LOXL3: variants seen among roughly 807,000 people sequenced by gnomAD.
LOXL3 encodes the protein lysyl oxidase homolog 3.
Under a neutral mutation model 91.8 loss-of-function variants are expected in LOXL3, and 60 were observed. The ratio of observed to expected loss-of-function variants is 0.65; its 90% CI spans 0.53 to 0.81. The LOEUF (loss-of-function observed/expected upper bound fraction) is 0.81, where lower values mean the gene tolerates loss of function less well. LOXL3 is among the 30% of genes least tolerant of loss of function. The pLI, the probability that LOXL3 is intolerant of heterozygous loss-of-function variation, is 0.00. For synonymous variants in LOXL3, 355 were observed against 387.6 expected (o/e 0.92, Z 0.99); for missense variants, 874 against 1,000.4 (o/e 0.87, Z 1.70).
In LOXL3 at chr2:74,534,924, G is replaced by T. The variant is rs927387846; in HGVS notation, c.1580-150C>A. The T allele has an allele frequency of 5.1e-6, 5 of 970,892 alleles. No individual in the cohort carries two copies. The African/African-American group carries it at 6.5e-5, about 13-fold the overall frequency. The allele number at this position is 970,892 out of a possible 1,614,324, so 60.1% of individuals were successfully genotyped here. On this transcript the variant is annotated intron_variant, in intron 9 of 13. Transcript: ENST00000264094. ...GATGGAGTCTCACTCTGTTGCCGAG[G>T]CTGGAATGCAGCGGCGTGATCTTGG...
chr2:74,541,598 C>CATGTCTAAA (rs754931507), intron 4 of LOXL3, among the ~76,000 whole-genome samples: 1 of 152,140 alleles, frequency 6.6e-6, no homozygotes, highest in Non-Finnish European at 1.5e-5. Context: ...TTTTCTCAAA[C>CATGTCTAAA]ATGTCTAAAA....
Position 74,550,286 on chromosome 2 carries a change from A to C in LOXL3, c.376T>G (p.Ser126Ala), listed in dbSNP as rs1186343174. The C allele has an allele frequency of 1.2e-6, 2 of 1,613,998 alleles. No homozygotes were observed. Among genetic ancestry groups the C allele is most frequent in the Non-Finnish European group, 1.7e-6 (2 of 1,180,028 alleles). The change falls in exon 3 of 14, where the codon TCC becomes GCC. Residue 126 changes from serine (S) to alanine (A), a missense_variant. Transcript: ENST00000264094. ...CAGTCACTGTTCCCCCAGCCCCGGG[A>C]GGCACATTCAGTCACACTCTGCTCG... is the stretch of plus-strand genomic sequence containing the variant. ...GTEQSVTECA[S>A]RGWGNSDCTH...
At position 74,550,483 on chromosome 2, in the gene LOXL3, T is replaced by C. The variant is rs1057258930; in HGVS notation, c.314-135A>G. Reference sequence around the variant, plus strand: ...CCCATCTTTCTGGTATGATAAGGGGTGGAGACGGGACAGGGGACCCTGGCA... The same window carrying C: ...CCCATCTTTCTGGTATGATAAGGGGCGGAGACGGGACAGGGGACCCTGGCA... On this transcript the variant is annotated intron_variant, in intron 2 of 13. Coordinates refer to ENST00000264094, the MANE Select transcript of LOXL3 (RefSeq NM_032603.5). 8 of 950,066 alleles carry C rather than the reference T, an allele frequency of 8.4e-6. No individual in the cohort carries two copies. The Admixed American group carries it at 2.1e-4, about 26-fold the overall frequency. The allele number at this position is 950,066 out of a possible 1,614,324, so 58.9% of individuals were successfully genotyped here. A position where few individuals can be genotyped will look rare whatever the true frequency, so the allele number is the denominator to read the frequency against.
chr2:74,543,289 C>T (rs938907588), intron 4 of LOXL3, among the ~76,000 whole-genome samples: 4 of 152,122 alleles, frequency 2.6e-5, no homozygotes, highest in African/African-American at 9.7e-5. Context: ...ATTTTGTTCT[C>T]ACTTCATATA....
intron 4 of LOXL3, among the ~76,000 whole-genome samples, chr2:74,545,884 C>A (rs1676560904): frequency 1.3e-5 from 2 of 152,128 alleles, no homozygotes; most frequent in Admixed American, 1.3e-4. Flanking sequence ...CTCCAGAGTC[C>A]TATATTAAAT....
At position 74,550,311 on chromosome 2, in the gene LOXL3, G is replaced by A. The variant is rs772444680; in HGVS notation, c.351C>T (p.Thr117=). The change falls in exon 3 of 14, where the codon ACC becomes ACT. Residue 117 remains threonine (T), a synonymous_variant. Coordinates refer to ENST00000264094, the MANE Select transcript of LOXL3 (RefSeq NM_032603.5). The part of the protein sequence containing the change: ...IWLDNLSCSG[T]EQSVTECASR... ...AGGCACATTCAGTCACACTCTGCTC[G>A]GTCCCACTGCAGCTCAAGTTGTCCA... 1.4e-5 allele frequency: 23 copies of A among 1,613,984 alleles called. No individual in the cohort carries two copies. Among genetic ancestry groups the A allele is most frequent in the Non-Finnish European group, 1.9e-5 (22 of 1,180,014 alleles).
rs1309621874 is a variant in LOXL3 at position 74,532,720 on chromosome 2, G to A, written c.*886C>T. The A allele has an allele frequency of 1.9e-6, 3 of 1,613,216 alleles. No individual in the cohort carries two copies. Among genetic ancestry groups the A allele is most frequent in the Non-Finnish European group, 2.5e-6 (3 of 1,179,452 alleles). On this transcript the variant is annotated 3_prime_UTR_variant, in exon 14 of 14. Coordinates refer to ENST00000264094, the MANE Select transcript of LOXL3 (RefSeq NM_032603.5). ...CTGGGCTCCCCTGCACACCGGTGAG[G>A]GAGAGGCTGCAGTGTGATATGGGGA...
rs559116204 is a variant in LOXL3 at position 74,535,060 on chromosome 2, G to T, written c.1579+232C>A. On this transcript the variant is annotated intron_variant, in intron 9 of 13. Transcript: ENST00000264094. The surrounding 1 kb of genome is among the most constrained non-coding windows in gnomAD (Gnocchi z 4.2). Reference sequence around the variant, plus strand: ...CGCCTGGCTAATTTTTGTAGTTTTAGTAGAGACAGGGTTTCACCATCTTGG... The same window carrying T: ...CGCCTGGCTAATTTTTGTAGTTTTATTAGAGACAGGGTTTCACCATCTTGG... Among the ~76,000 whole-genome samples the T allele has an allele frequency of 1.4e-4, 22 of 152,158 alleles. No homozygotes were observed. The highest frequency in any genetic ancestry group is 4.3e-4 in the African/African-American group (18 of 41,418).
Position 74,535,465 on chromosome 2 carries a change from A to T in LOXL3, c.1417-11T>A. ...CCAGTACCAGGTCTCCTGGGGACAT[A>T]TGCAGATGTTTCTGTAAGGCCCAGG... is the stretch of plus-strand genomic sequence containing the variant. On this transcript the variant is annotated splice_polypyrimidine_tract_variant and intron_variant, in intron 8 of 13. Transcript: ENST00000264094. This position sits in a 1 kb window ranked among gnomAD's most constrained non-coding sequence, Gnocchi z 4.2. 6.2e-7 allele frequency: 1 copy of T among 1,613,722 alleles called. No individual in the cohort carries two copies.
At position 74,535,293 on chromosome 2, in the gene LOXL3, C is replaced by G. The variant is rs767305617; in HGVS notation, c.1578G>C (p.Glu526Asp). The stretch of plus-strand genomic sequence containing the variant: ...TGCATCACCCCCTCCTTCACTCACT[C>G]TCAGAACAGATGACTCCAGCAGTGA... ...TRFTAGVICS[E>D]TASDLLLHSA... The change falls in exon 9 of 14, where the codon GAG (glutamate) becomes GAC (aspartate). Residue 526 changes from glutamate (E) to aspartate (D), a missense_variant and splice_region_variant. Coordinates refer to ENST00000264094, the MANE Select transcript of LOXL3 (RefSeq NM_032603.5). This position sits in a 1 kb window ranked among gnomAD's most constrained non-coding sequence, Gnocchi z 4.2. The G allele has an allele frequency of 4.6e-5, 74 of 1,612,970 alleles. No individual in the cohort carries two copies. The highest frequency in any genetic ancestry group is 8.9e-5 in the East Asian group (4 of 44,878).
chr2:74,533,666 A>C lies in LOXL3; in HGVS notation c.2202T>G (p.Ser734Arg). The change falls in exon 14 of 14, where the codon AGT (serine) becomes AGG (arginine). Residue 734 changes from serine to arginine, a missense_variant. Physicochemically the swap from Ser to Arg is moderately radical, Grantham distance 110 (BLOSUM62 -1). Coordinates refer to ENST00000264094, the MANE Select transcript of LOXL3 (RefSeq NM_032603.5). The stretch of plus-strand genomic sequence containing the variant: ...GTTCAAACCTCCTGTTGGCCTCTTC[A>C]CTGAAGGCATCACCTGCAGAGTGGA... ...VHNCHIGDAF[S>R]EEANRRFERY... The C allele has an allele frequency of 1.9e-6, 3 of 1,613,992 alleles. No homozygotes were observed. The highest frequency in any genetic ancestry group is 2.5e-6 in the Non-Finnish European group (3 of 1,179,986).
At chr2:74,550,522 G>A (rs1045561807) in intron 2 of LOXL3, among the ~76,000 whole-genome samples, 174 bp from the exon 3 acceptor site, 1 of 152,092 alleles carries the variant, frequency 6.6e-6, no homozygotes, top group African/African-American at 2.4e-5. Flanking sequence ...AATAGGAAGG[G>A]GGCATAAGAT....
chr2:74,539,424 G>A (rs1312822858), intron 4 of LOXL3, among the ~76,000 whole-genome samples: 1 of 152,132 alleles, frequency 6.6e-6, no homozygotes, highest in Non-Finnish European at 1.5e-5. Context: ...AGTTGGGAAG[G>A]GGAGAAGGGA....
chr2:74,553,006 A>G, intron 1 of LOXL3: 1 of 231,746 alleles, frequency 4.3e-6, no homozygotes, highest in Non-Finnish European at 8.4e-6. Flanking sequence ...TGTGGGAATG[A>G]GAGAGAGAAA....
upstream of LOXL3, chr2:74,555,691 C>A: frequency 6.2e-7 from 1 of 1,613,390 alleles, no homozygotes; most frequent in Non-Finnish European, 8.5e-7. The surrounding 1 kb of genome is among the most constrained non-coding windows in gnomAD (Gnocchi z 6.1). Context: ...GAAGCCCGGG[C>A]AGGGATGGAG....
At position 74,535,226 on chromosome 2, in the gene LOXL3, T is replaced by C. The variant is rs1299551791; in HGVS notation, c.1579+66A>G. The C allele has an allele frequency of 2.0e-6, 3 of 1,537,254 alleles. No individual in the cohort carries two copies. Among genetic ancestry groups the C allele is most frequent in the Non-Finnish European group, 2.6e-6 (3 of 1,138,256 alleles). On this transcript the variant is annotated intron_variant, in intron 9 of 13. Transcript: ENST00000264094. This position sits in a 1 kb window ranked among gnomAD's most constrained non-coding sequence, Gnocchi z 4.2. ...AGTGCCCCTCCAGATTACAGCCCCC[T>C]TTCCCTGCAAACGGGTGGCCCAGAC...
At chr2:74,541,671 C>T (rs1222826469) in intron 4 of LOXL3, among the ~76,000 whole-genome samples, 2 of 152,012 alleles carry the variant, frequency 1.3e-5, no homozygotes, top group Non-Finnish European at 2.9e-5. Context: ...CCTTGATCTC[C>T]AGAGTAGTAC....
chr2:74,537,722 A>G (rs995446719), intron 4 of LOXL3, among the ~76,000 whole-genome samples: 4 of 152,216 alleles, frequency 2.6e-5, no homozygotes, highest in Admixed American at 2.6e-4. Context: ...TGAATAGGAT[A>G]ATGGGACTGA....
chr2:74,542,045 C>A (rs1326144139), intron 4 of LOXL3, among the ~76,000 whole-genome samples: 1 of 152,228 alleles, frequency 6.6e-6, no homozygotes, highest in Non-Finnish European at 1.5e-5. Context: ...GTAATCCCAG[C>A]ACTTTGGGAG....
Sources: gnomAD v4.1 joint callset for allele counts (sites outside exome capture counted in the v4.1 genomes callset) on GRCh38, gnomAD v4.1.1 for gene constraint, Gnocchi (gnomAD v3.1) non-coding constraint, MANE v1.5 for transcripts, NCBI Gene and HGNC (gene_info 2026-07-23, HGNC 2026-07-21) for gene names.